The following CELF2 variants were observed in gnomAD, a reference collection of about 807,000 sequenced individuals.
The protein encoded by CELF2 is CUG triplet repeat RNA-binding protein 2.
CELF2 carries 8 observed loss-of-function variants against 62.6 expected under a neutral mutation model. That is an observed-to-expected ratio of 0.13 (90% CI 0.07 to 0.23). The LOEUF is 0.23. CELF2 is among the 10% of genes least tolerant of loss of function. CELF2 has a pLI of 1.00. For missense variants in CELF2, 333 were observed against 671.0 expected (o/e 0.50, Z 5.56); for synonymous variants, 258 against 250.0 (o/e 1.03, Z -0.30).
At chr10:11,040,566 C>T (rs939267544) in intron 1 of CELF2, among the ~76,000 whole-genome samples, 19 of 152,140 alleles carry the variant, frequency 1.2e-4, no homozygotes, top group African/African-American at 3.4e-4. Context: ...TCTGGTTGGT[C>T]GCTCTGTTTT....
the CELF2 span, among the ~76,000 whole-genome samples, chr10:10,610,628 C>T: frequency 1.3e-5 from 2 of 152,172 alleles, no homozygotes; most frequent in African/African-American, 4.8e-5. Flanking sequence ...TTAAAGAAAG[C>T]GGGTTTTCTT....
chr10:10,749,426 T>C, the CELF2 span, among the ~76,000 whole-genome samples: 6 of 152,222 alleles, frequency 3.9e-5, no homozygotes, highest in Admixed American at 3.9e-4. Context: ...AATTGTGGAT[T>C]AAATGGCACC....
In CELF2 at chr10:10,928,022, C is replaced by T. The variant is rs1349171712; in HGVS notation, c.89+8023C>T. Among the ~76,000 whole-genome samples the T allele has an allele frequency of 6.6e-6, 1 of 152,212 alleles. No homozygotes were observed. Among genetic ancestry groups the T allele is most frequent in the Non-Finnish European group, 1.5e-5 (1 of 68,044 alleles). ...CCTCATCACCTGCTACTTTCTTTCTCATTTATTTTGCTTCTGACACACCGG... is the reference window on the plus strand; with the variant it reads ...CCTCATCACCTGCTACTTTCTTTCTTATTTATTTTGCTTCTGACACACCGG... On this transcript the variant is annotated intron_variant, in intron 2 of 13. Transcript: ENST00000636488. The surrounding 1 kb of genome is among the most constrained non-coding windows in gnomAD (Gnocchi z 4.8).
rs540015313 is a variant in CELF2, at chr10:11,090,055, A to G, written c.74+71892A>G. Among the ~76,000 whole-genome samples the G allele has an allele frequency of 2.6e-5, 4 of 152,302 alleles. No individual in the cohort carries two copies. The South Asian group carries it at 6.2e-4, about 24-fold the overall frequency. ...GAGGAAGGGAAGGGGACAGACATCA[A>G]AACCTAGTTACTGGGTACTATGCTC... On this transcript the variant is annotated intron_variant, in intron 1 of 12. Transcript: ENST00000633077.
intron 1 of CELF2, among the ~76,000 whole-genome samples, chr10:11,144,557 A>G (rs968208008): frequency 6.6e-5 from 10 of 151,904 alleles, no homozygotes; most frequent in African/African-American, 2.4e-4. Flanking sequence ...AACTTCAGGA[A>G]CAAACTTTCA....
chr10:11,058,216 C>T (rs918748096), intron 1 of CELF2, among the ~76,000 whole-genome samples: 12 of 152,196 alleles, frequency 7.9e-5, no homozygotes, highest in South Asian at 2.1e-4. Context: ...CTCAGCCATG[C>T]GGTAACATTG....
intron 1 of CELF2, among the ~76,000 whole-genome samples, chr10:10,847,055 C>A (rs931918606): frequency 1.3e-5 from 2 of 151,952 alleles, no homozygotes; most frequent in African/African-American, 4.8e-5. Flanking sequence ...CCATTATTAA[C>A]CTTGAAGAGG....
intron 1 of CELF2, among the ~76,000 whole-genome samples, chr10:10,823,447 G>C (rs2057132289): frequency 6.6e-6 from 1 of 152,116 alleles, no homozygotes; most frequent in South Asian, 2.1e-4. Flanking sequence ...CACACTGTGT[G>C]ACCTTTCAAG....
chr10:10,740,382 C>CCT, the CELF2 span, among the ~76,000 whole-genome samples: 1 of 151,882 alleles, frequency 6.6e-6, no homozygotes, highest in South Asian at 2.1e-4. Context: ...ACAGACTATC[C>CCT]CTCACTCAAA....
chr10:11,298,740 TA>T (rs138546689), intron 9 of CELF2, among the ~76,000 whole-genome samples: 1 of 152,130 alleles, frequency 6.6e-6, no homozygotes, highest in African/African-American at 2.4e-5. Flanking sequence ...GGTGCTTTTT[TA>T]AAAAAACGAT....
chr10:11,170,336 G>A (rs775301020), intron 2 of CELF2, among the ~76,000 whole-genome samples: 11 of 152,152 alleles, frequency 7.2e-5, no homozygotes, highest in Non-Finnish European at 1.6e-4. Context: ...CAGTAAATAG[G>A]AAATTTCTGA....
chr10:10,617,966 C>T, the CELF2 span, among the ~76,000 whole-genome samples: 1 of 152,012 alleles, frequency 6.6e-6, no homozygotes, highest in Non-Finnish European at 1.5e-5. Flanking sequence ...TAACTCTTGA[C>T]TTCTTCCCTT....
chr10:10,879,334 G>C (rs562793525), intron 1 of CELF2, among the ~76,000 whole-genome samples: 1 of 152,100 alleles, frequency 6.6e-6, no homozygotes, highest in Non-Finnish European at 1.5e-5. Flanking sequence ...TTAGTGCCAC[G>C]CACTGGCTAG....
At chr10:10,568,643 A>T in the CELF2 span, among the ~76,000 whole-genome samples, 1 of 151,940 alleles carries the variant, frequency 6.6e-6, no homozygotes, top group African/African-American at 2.4e-5. Context: ...CAGGAAGGCA[A>T]GCAAAGAAGA....
chr10:10,733,651 G>C, the CELF2 span, among the ~76,000 whole-genome samples: 1 of 152,260 alleles, frequency 6.6e-6, no homozygotes, highest in South Asian at 2.1e-4. Flanking sequence ...TGAAAATCCT[G>C]TCTTGCATGG....
Position 11,098,158 on chromosome 10 carries a change from T to C in CELF2, c.75-67328T>C, listed in dbSNP as rs1051159483. 1 of 152,366 alleles carries C rather than the reference T, an allele frequency of 6.6e-6. No individual in the cohort carries two copies. Among genetic ancestry groups the C allele is most frequent in the African/African-American group, 2.4e-5 (1 of 41,432 alleles). The allele number at this position is 152,366 out of a possible 1,614,324, so 9.4% of individuals were successfully genotyped here. A position where few individuals can be genotyped will look rare whatever the true frequency, so the allele number is the denominator to read the frequency against. On this transcript the variant is annotated intron_variant, in intron 1 of 12. Coordinates refer to ENST00000633077, the MANE Select transcript of CELF2 (RefSeq NM_001326342.2). This position sits in a 1 kb window ranked among gnomAD's most constrained non-coding sequence, Gnocchi z 4.0. ...TGTTGTGTGTGTGAAGGATGAGGTG[T>C]GTTTCGTATGCCCATATTTTGGATT... is the stretch of plus-strand genomic sequence containing the variant.
At position 10,947,925 on chromosome 10, in the gene CELF2, A is replaced by G. The variant is rs1216927025; in HGVS notation, c.89+27926A>G. 3.3e-5 allele frequency among the ~76,000 whole-genome samples: 5 copies of G among 152,220 alleles called. No individual in the cohort carries two copies. Among genetic ancestry groups the G allele is most frequent in the African/African-American group, 1.2e-4 (5 of 41,462 alleles). On this transcript the variant is annotated intron_variant, in intron 2 of 13. Transcript: ENST00000636488. This position sits in a 1 kb window ranked among gnomAD's most constrained non-coding sequence, Gnocchi z 4.1. The stretch of plus-strand genomic sequence containing the variant: ...AACGTCCAAGCATGGTAGAAAAATC[A>G]CAAAGAATTGCCCTTGGGGTGTTAG...
the CELF2 span, among the ~76,000 whole-genome samples, chr10:10,586,120 T>G: frequency 4.6e-5 from 7 of 152,210 alleles, no homozygotes; most frequent in Non-Finnish European, 8.8e-5. Flanking sequence ...TGCAAATGCT[T>G]TTACTCTCAC....
the CELF2 span, among the ~76,000 whole-genome samples, chr10:10,701,068 G>A: frequency 6.6e-6 from 1 of 152,164 alleles, no homozygotes; most frequent in Admixed American, 6.5e-5. Context: ...TTTATCAGCG[G>A]CCCTCAGGTA....
Sources: gnomAD v4.1 joint callset for allele counts (sites outside exome capture counted in the v4.1 genomes callset) on GRCh38, gnomAD v4.1.1 for gene constraint, Gnocchi (gnomAD v3.1) non-coding constraint, MANE v1.5 for transcripts, NCBI Gene and HGNC (gene_info 2026-07-23, HGNC 2026-07-21) for gene names.